Variants in MRPS28 observed in about 807,000 individuals in gnomAD.
The protein encoded by MRPS28 is small ribosomal subunit protein bS1m.
Under a neutral mutation model 10.8 loss-of-function variants are expected in MRPS28, and 7 were observed. The ratio of observed to expected loss-of-function variants is 0.65; its 90% CI spans 0.37 to 1.22. The LOEUF is 1.22. Ranked by LOEUF, MRPS28 falls within the 50% of genes most tolerant of loss-of-function variation. The pLI is 0.02. For synonymous variants in MRPS28, 121 were observed against 93.3 expected (o/e 1.30, Z -1.71); for missense variants, 265 against 232.9 (o/e 1.14, Z -0.90).
chr8:79,940,536 C>T (rs1806739538), intron 2 of MRPS28, among the ~76,000 whole-genome samples: 1 of 152,186 alleles, frequency 6.6e-6, no homozygotes, highest in Non-Finnish European at 1.5e-5. Context: ...GAAGTTCTGC[C>T]TTTATTGCAC....
At chr8:80,010,888 G>A (rs1809022046) in intron 1 of MRPS28, among the ~76,000 whole-genome samples, 1 of 152,200 alleles carries the variant, frequency 6.6e-6, no homozygotes, top group Non-Finnish European at 1.5e-5. Context: ...AAGTCAGTAG[G>A]CCTAGAGGCC....
At chr8:79,967,780 A>C (rs1408837992) in intron 2 of MRPS28, among the ~76,000 whole-genome samples, 1 of 152,138 alleles carries the variant, frequency 6.6e-6, no homozygotes, top group Non-Finnish European at 1.5e-5. Context: ...ACTGTACAGC[A>C]AAGAGACGTG....
chr8:79,927,315 TACACAAGAGTCAAGTTTTGGCTTG>T (rs1405002893), intron 2 of MRPS28, among the ~76,000 whole-genome samples: 5 of 152,330 alleles, frequency 3.3e-5, no homozygotes, highest in Non-Finnish European at 7.4e-5. Flanking sequence ...ACTTGCTCCA[TACACAAGAGTCAAGTTTTGGCTTG>T]ACAACTGCTT....
At chr8:80,004,159 T>G (rs546694615) in intron 1 of MRPS28, among the ~76,000 whole-genome samples, 1 of 152,284 alleles carries the variant, frequency 6.6e-6, no homozygotes, top group South Asian at 2.1e-4. Context: ...AGCACTGAGT[T>G]TGAGATCTGA....
rs61674318 is a variant in MRPS28, at chr8:80,013,308, GACA to G, written c.214-10131_214-10129del. 6.9e-3 allele frequency among the ~76,000 whole-genome samples: 1,048 copies of G among 152,110 alleles called. 14 individuals are homozygous for G. The highest frequency in any genetic ancestry group is 0.024 in the African/African-American group (1,003 of 41,502). On this transcript the variant is annotated intron_variant, in intron 1 of 2. Transcript: ENST00000276585. ...AAAACAATACAAATTAGAAATGGGA[GACA>G]ACATCCTACCCAGTTACCTCTTTTA...
chr8:79,944,566 T>C lies in MRPS28; in HGVS notation c.396-25418A>G, dbSNP rs75693422. Among the ~76,000 whole-genome samples the C allele has an allele frequency of 5.6e-3, 848 of 152,290 alleles. 9 individuals carry two copies. The highest frequency in any genetic ancestry group is 0.02 in the African/African-American group (817 of 41,568). ...ATCTTTTTCAAATTTCTTTGGAGGC[T>C]ACCATTACCTACCAAAAAGAACCTA... On this transcript the variant is annotated intron_variant, in intron 2 of 2. Coordinates refer to ENST00000276585, the MANE Select transcript of MRPS28 (RefSeq NM_014018.3).
chr8:79,958,268 T>G, intron 2 of MRPS28: 1 of 641,792 alleles, frequency 1.6e-6, no homozygotes, highest in Non-Finnish European at 2.8e-6. Context: ...ATATATGATC[T>G]TTTGTGAATG....
chr8:79,953,596 T>C lies in MRPS28; in HGVS notation c.396-34448A>G, dbSNP rs1371710062. ...GGATTTTAGAGTTGAATATAAATGG[T>C]TAAACAATAAAACTTCTAAAATATA... is the stretch of plus-strand genomic sequence containing the variant. On this transcript the variant is annotated intron_variant, in intron 2 of 2. Coordinates refer to ENST00000276585, the MANE Select transcript of MRPS28 (RefSeq NM_014018.3). Among the ~76,000 whole-genome samples the C allele has an allele frequency of 2.0e-5, 3 of 152,160 alleles. No individual in the cohort carries two copies. The East Asian group carries it at 5.8e-4, about 29-fold the overall frequency.
At chr8:80,007,307 C>T (rs868487350) in intron 1 of MRPS28, among the ~76,000 whole-genome samples, 14 of 152,168 alleles carry the variant, frequency 9.2e-5, no homozygotes, top group Admixed American at 3.9e-4. Flanking sequence ...AAACCCACAG[C>T]CGATATCATA....
At chr8:79,957,174 C>G (rs1807240357) in intron 2 of MRPS28, 1 of 152,042 alleles carries the variant, frequency 6.6e-6, no homozygotes, top group Non-Finnish European at 1.5e-5. Context: ...TCTGTTTTTT[C>G]TTAGACTAAA....
intron 1 of MRPS28, among the ~76,000 whole-genome samples, chr8:80,005,809 AAC>A (rs1808823864): frequency 6.6e-6 from 1 of 152,210 alleles, no homozygotes; most frequent in Non-Finnish European, 1.5e-5. Flanking sequence ...GCAAATGGAA[AAC>A]AAAAAAAGGC....
intron 1 of MRPS28, among the ~76,000 whole-genome samples, chr8:80,009,195 A>G (rs1467716704): frequency 6.6e-6 from 1 of 152,108 alleles, no homozygotes; most frequent in East Asian, 1.9e-4. Context: ...CAAACACCTC[A>G]TGTTCTTACT....
chr8:79,986,960 A>G (rs897547341), intron 2 of MRPS28, among the ~76,000 whole-genome samples: 16 of 152,240 alleles, frequency 1.1e-4, no homozygotes, highest in African/African-American at 3.4e-4. Flanking sequence ...AAGAGCCCAC[A>G]TCGCCAAGTC....
chr8:80,009,450 A>G (rs1315494979), intron 1 of MRPS28, among the ~76,000 whole-genome samples: 1 of 151,662 alleles, frequency 6.6e-6, no homozygotes, highest in Non-Finnish European at 1.5e-5. Flanking sequence ...TAAATAAATA[A>G]AAATAAAAAT....
intron 2 of MRPS28, among the ~76,000 whole-genome samples, chr8:79,920,022 TAA>T (rs1417187981): frequency 1.3e-3 from 183 of 143,440 alleles, no homozygotes; most frequent in Admixed American, 2.3e-3. Flanking sequence ...TTCCCACCTA[TAA>T]GTGAGAACAT....
At position 80,030,216 on chromosome 8, in the gene MRPS28, A is replaced by C. The variant is rs114563553; in HGVS notation, c.33T>G (p.Ala11=). Residue 11 remains alanine (A), a synonymous_variant, in exon 1 of 3, where the codon GCT becomes GCG. Transcript: ENST00000276585. The stretch of plus-strand genomic sequence containing the variant: ...ACACTCGCAGAAAATGGCTCTCGGC[A>C]GCCACAGCACGGGTCCGACACAGCG... MAALCRTRAV[A]AESHFLRVFL... is the part of the protein sequence containing the mutation. 3.0e-4 allele frequency: 478 copies of C among 1,614,184 alleles called. 2 individuals are homozygous for C. In the African/African-American group the frequency reaches 5.6e-3, roughly 19 times the overall value.
chr8:79,970,336 T>C (rs1187733508), intron 2 of MRPS28, among the ~76,000 whole-genome samples: 1 of 152,132 alleles, frequency 6.6e-6, no homozygotes, highest in Non-Finnish European at 1.5e-5. Context: ...CCAAGAAGAA[T>C]TTTTTTAAAA....
intron 2 of MRPS28, among the ~76,000 whole-genome samples, chr8:79,992,083 A>G (rs1808383073): frequency 6.6e-6 from 1 of 152,188 alleles, no homozygotes; most frequent in Non-Finnish European, 1.5e-5. Context: ...TGCCAGACAT[A>G]TGAGTGAGCT....
chr8:80,027,432 G>A (rs1770650852), intron 1 of MRPS28, among the ~76,000 whole-genome samples: 1 of 152,192 alleles, frequency 6.6e-6, no homozygotes, highest in African/African-American at 2.4e-5. Flanking sequence ...TTTAACCCAA[G>A]CAGGGTCTTG....
Sources: gnomAD v4.1 joint callset for allele counts (sites outside exome capture counted in the v4.1 genomes callset) on GRCh38, gnomAD v4.1.1 for gene constraint, MANE v1.5 for transcripts, NCBI Gene and HGNC (gene_info 2026-07-23, HGNC 2026-07-21) for gene names.